USP34: variants seen among roughly 807,000 people sequenced by gnomAD.
USP34 encodes the protein ubiquitin specific peptidase 34, also known as ubiquitin carboxyl-terminal hydrolase 34.
A neutral mutation model predicts 460.3 loss-of-function variants in USP34; 70 were observed. That is an observed-to-expected ratio of 0.15 (90% CI 0.13 to 0.19). USP34 has a LOEUF of 0.19. Ranked by LOEUF, USP34 falls within the 10% of genes least tolerant of loss-of-function variation. The pLI, the probability that USP34 is intolerant of heterozygous loss-of-function variation, is 1.00. For missense variants in USP34, 3,985 were observed against 4,236.2 expected, an observed-to-expected ratio of 0.94 and a Z score of 1.65; for synonymous variants, 1,647 against 1,405.3, an observed-to-expected ratio of 1.17 and a Z score of -3.85.
intron 3 of USP34, among the ~76,000 whole-genome samples, chr2:61,399,893 C>CAAAAAAAAAAAAAA (rs1693660165): frequency 1.3e-5 from 1 of 75,028 alleles, no homozygotes; most frequent in African/African-American, 4.5e-5. Context: ...AAAAAAAAAG[C>CAAAAAAAAAAAAAA]TGTATTAACA....
At chr2:61,262,082 C>A (rs2103907940) in intron 43 of USP34, among the ~76,000 whole-genome samples, 3 of 35,884 alleles carry the variant, frequency 8.4e-5, no homozygotes, top group African/African-American at 2.3e-4. Flanking sequence ...CAAAGCAAGA[C>A]TTCGTCAAAA....
chr2:61,388,868 A>C (rs554569620), intron 5 of USP34, among the ~76,000 whole-genome samples: 1 of 152,236 alleles, frequency 6.6e-6, no homozygotes, highest in East Asian at 1.9e-4. Context: ...CATGTTCACC[A>C]AAACACACAT....
At chr2:61,413,027 G>T (rs1022359345) in intron 2 of USP34, among the ~76,000 whole-genome samples, 29 of 152,128 alleles carry the variant, frequency 1.9e-4, no homozygotes, top group Admixed American at 6.6e-5. Flanking sequence ...CAACCAAAAG[G>T]CCCACCAAAA....
At chr2:61,390,638 A>G (rs1693315508) in intron 5 of USP34, among the ~76,000 whole-genome samples, 1 of 152,260 alleles carries the variant, frequency 6.6e-6, no homozygotes, top group Non-Finnish European at 1.5e-5. Flanking sequence ...AGAATCTGCT[A>G]AAGTTTTTGA....
At chr2:61,435,351 A>C (rs1573038638) in intron 1 of USP34, among the ~76,000 whole-genome samples, 1 of 149,794 alleles carries the variant, frequency 6.7e-6, no homozygotes, top group African/African-American at 2.4e-5. Context: ...GCAGCAAAAG[A>C]AAAGCATCAA....
chr2:61,245,367 C>G lies in USP34; in HGVS notation c.6549-79G>C, dbSNP rs530162756. 117 of 791,950 alleles carry G rather than the reference C, an allele frequency of 1.5e-4. No individual in the cohort carries two copies. The South Asian group carries it at 2.8e-3, about 19-fold the overall frequency. The allele number at this position is 791,950 out of a possible 1,614,324, so 49.1% of individuals were successfully genotyped here. A position where few individuals can be genotyped will look rare whatever the true frequency, so the allele number is the denominator to read the frequency against. On this transcript the variant is annotated intron_variant, in intron 50 of 79. Transcript: ENST00000398571. ...ATTATGTCTACTATTTTTTGAATAA[C>G]CAATGTTACAAGTGTCAAATTATTT... is the stretch of plus-strand genomic sequence containing the variant.
chr2:61,453,919 G>T (rs1466392781), intron 1 of USP34, among the ~76,000 whole-genome samples: 1 of 151,448 alleles, frequency 6.6e-6, no homozygotes, highest in Non-Finnish European at 1.5e-5. Context: ...TTGTATTTTG[G>T]GTAGAAACAG....
intron 1 of USP34, among the ~76,000 whole-genome samples, chr2:61,450,009 T>G (rs1695224882): frequency 2.0e-5 from 3 of 152,012 alleles, no homozygotes. Context: ...GAGCCTGCAG[T>G]GAACAAAGTT....
intron 26 of USP34, 27 bp downstream of exon 26, chr2:61,311,757 A>G: frequency 2.5e-6 from 4 of 1,610,864 alleles, no homozygotes; most frequent in Non-Finnish European, 3.4e-6. Flanking sequence ...AATGTTATCA[A>G]CTTCGAAATT....
chr2:61,268,438 TAAAAAAAAAAAAAA>T (rs35618230), intron 41 of USP34, among the ~76,000 whole-genome samples: 42 of 53,418 alleles, frequency 7.9e-4, no homozygotes, highest in Admixed American at 3.2e-3. Flanking sequence ...GAGCTGTTGT[TAAAAAAAAAAAAAA>T]AAAAAAAAAA....
chr2:61,334,097 T>G, intron 18 of USP34, 126 bp from the exon 19 acceptor site: 1 of 572,120 alleles, frequency 1.7e-6, no homozygotes, highest in African/African-American at 2.0e-5. Flanking sequence ...TACACAAACA[T>G]TAAACTTTTT....
At chr2:61,421,093 G>A (rs1055909460) in intron 1 of USP34, among the ~76,000 whole-genome samples, 4 of 152,140 alleles carry the variant, frequency 2.6e-5, no homozygotes, top group South Asian at 2.1e-4. Context: ...CCAGCCTTCC[G>A]TTGTGATGCT....
At chr2:61,367,015 C>CTCTA (rs1692461639) in intron 10 of USP34, among the ~76,000 whole-genome samples, 1 of 152,156 alleles carries the variant, frequency 6.6e-6, no homozygotes, top group Admixed American at 6.6e-5. Context: ...CACCACCGTA[C>CTCTA]TCTAGCCTTG....
chr2:61,195,366 T>TAAAAA (rs34844512), intron 75 of USP34, among the ~76,000 whole-genome samples: 1 of 140,192 alleles, frequency 7.1e-6, no homozygotes, highest in African/African-American at 2.7e-5. Flanking sequence ...TTTTAAAGGT[T>TAAAAA]AAAAAAAAAA....
intron 62 of USP34, among the ~76,000 whole-genome samples, chr2:61,224,109 C>T (rs765749945): frequency 4.6e-5 from 7 of 152,238 alleles, no homozygotes; most frequent in Non-Finnish European, 8.8e-5. Context: ...CCAGCGTACA[C>T]ATTTCCTGAA....
rs891280632 is a variant in USP34, at chr2:61,188,149, G to C, written c.10594C>G (p.His3532Asp). Reference sequence around the variant, plus strand: ...TTGCCAGATATCCTTGTGACGACATGGATTGTAGATTCAATGGTCCTACAC... The same window carrying C: ...TTGCCAGATATCCTTGTGACGACATCGATTGTAGATTCAATGGTCCTACAC... ...TLCRTIESTI[H>D]VVTRISGKGN... Residue 3532 changes from histidine (H) to aspartate (D), a missense_variant, in exon 80 of 80, where the codon CAT becomes GAT. By Grantham distance (81) the His-to-Asp change is moderately conservative. Coordinates refer to ENST00000398571, the MANE Select transcript of USP34 (RefSeq NM_014709.4). The C allele has an allele frequency of 2.5e-6, 4 of 1,613,918 alleles. No homozygotes were observed. Among genetic ancestry groups the C allele is most frequent in the Admixed American group, 3.3e-5 (2 of 59,988 alleles).
chr2:61,317,292 C>G (rs1166630015), intron 23 of USP34, among the ~76,000 whole-genome samples: 2 of 152,130 alleles, frequency 1.3e-5, no homozygotes, highest in Admixed American at 1.3e-4. Flanking sequence ...TTTGGGAGGC[C>G]AAGGCAGGCA....
intron 8 of USP34, among the ~76,000 whole-genome samples, chr2:61,374,081 A>G (rs1179558512): frequency 6.6e-6 from 1 of 151,156 alleles, no homozygotes; most frequent in Non-Finnish European, 1.5e-5. Context: ...GCTTGAAGCC[A>G]GGAGACAGAG....
At chr2:61,252,141 G>C (rs1410534192) in intron 48 of USP34, among the ~76,000 whole-genome samples, 3 of 152,154 alleles carry the variant, frequency 2.0e-5, no homozygotes, top group Non-Finnish European at 4.4e-5. Context: ...GGGCCAAGGA[G>C]GTCTTTGGTT....
Sources: allele counts gnomAD v4.1 joint callset (sites outside exome capture counted in the v4.1 genomes callset), GRCh38; gene constraint gnomAD v4.1.1; transcripts MANE v1.5; gene names NCBI Gene and HGNC (gene_info 2026-07-23, HGNC 2026-07-21).